The following GALNT16 variants were observed in gnomAD, a reference collection of about 807,000 sequenced individuals.
GALNT16 encodes polypeptide N-acetylgalactosaminyltransferase 16, also known as UDP-GalNAc:polypeptide N-acetylgalactosaminyltransferase-like protein 1.
GALNT16 carries 40 observed loss-of-function variants against 76.1 expected under a neutral mutation model. The observed-to-expected ratio is 0.53, with a 90% CI of 0.41 to 0.68. The LOEUF is 0.68. Among genes scored for constraint, GALNT16 ranks in the 30% least tolerant of loss-of-function variants. The pLI, the probability that GALNT16 is intolerant of heterozygous loss-of-function variation, is 0.00. For missense variants in GALNT16, 621 were observed against 731.9 expected, an observed-to-expected ratio of 0.85 and a Z score of 1.75; for synonymous variants, 276 against 285.2, an observed-to-expected ratio of 0.97 and a Z score of 0.32.
chr14:69,312,059 G>GTCTA (rs3045602), intron 1 of GALNT16, among the ~76,000 whole-genome samples: 15,022 of 93,922 alleles, frequency 0.16, 954 homozygotes, highest in African/African-American at 0.18. Context: ...AAAAAAATCT[G>GTCTA]TCTATCTATC....
At chr14:69,264,771 TTTTCTTTTC>T (rs1377268401) in intron 1 of GALNT16, among the ~76,000 whole-genome samples, 3 of 151,584 alleles carry the variant, frequency 2.0e-5, no homozygotes, top group Non-Finnish European at 1.5e-5. Context: ...GTTCAGATTT[TTTTCTTTTC>T]TTTCTTTTCT....
At position 69,353,858 on chromosome 14, in the gene GALNT16, C is replaced by T. The variant is rs1237601671; in HGVS notation, c.*1690C>T. 2.0e-5 allele frequency: 3 copies of T among 152,524 alleles called. No individual in the cohort carries two copies. Among genetic ancestry groups the T allele is most frequent in the Non-Finnish European group, 4.4e-5 (3 of 68,292 alleles). The allele number at this position is 152,524 out of a possible 1,614,324, so 9.4% of individuals were successfully genotyped here. A position where few individuals can be genotyped will look rare whatever the true frequency, so the allele number is the denominator to read the frequency against. On this transcript the variant is annotated 3_prime_UTR_variant, in exon 15 of 15. Coordinates refer to ENST00000448469, the MANE Select transcript of GALNT16 (RefSeq NM_001168368.2). ...CTCCCTGGCGTGCTCAAACTGCCAT[C>T]GCCTGCTCCCTCCACACGGCCCTTG... is the stretch of plus-strand genomic sequence containing the variant.
At chr14:69,344,775 C>T (rs1231913115) in intron 12 of GALNT16, among the ~76,000 whole-genome samples, 1 of 152,206 alleles carries the variant, frequency 6.6e-6, no homozygotes, top group Non-Finnish European at 1.5e-5. Flanking sequence ...TCTGGAACAA[C>T]CCCTGGCCCT....
the GALNT16 span, among the ~76,000 whole-genome samples, chr14:69,365,247 G>A: frequency 6.6e-6 from 1 of 152,122 alleles, no homozygotes; most frequent in Admixed American, 6.6e-5. Flanking sequence ...ATAATTTGGA[G>A]GCTTTAGTGA....
At chr14:69,297,666 ACT>A (rs2044787308) in intron 1 of GALNT16, among the ~76,000 whole-genome samples, 2 of 151,830 alleles carry the variant, frequency 1.3e-5, no homozygotes, top group South Asian at 2.1e-4. Flanking sequence ...AAAACATAAC[ACT>A]GTCACTTAGA....
chr14:69,321,478 G>A (rs538541416), intron 2 of GALNT16, among the ~76,000 whole-genome samples: 30 of 152,234 alleles, frequency 2.0e-4, no homozygotes, highest in African/African-American at 6.5e-4. Context: ...TGTCTAGAGG[G>A]TGAAAGTCAC....
chr14:69,347,833 T>C, intron 13 of GALNT16, 44 bp from the exon 14 acceptor site: 1 of 1,606,140 alleles, frequency 6.2e-7, no homozygotes, highest in Non-Finnish European at 8.5e-7. Flanking sequence ...TCTCCACCCA[T>C]CGCTGTACTT....
At chr14:69,329,513 G>A (rs1451679619) in intron 6 of GALNT16, among the ~76,000 whole-genome samples, 1 of 152,184 alleles carries the variant, frequency 6.6e-6, no homozygotes, top group Admixed American at 6.5e-5. Context: ...TACCAGGATG[G>A]CTAGAATCCA....
the GALNT16 span, among the ~76,000 whole-genome samples, chr14:69,377,338 A>G: frequency 6.6e-6 from 1 of 152,128 alleles, no homozygotes; most frequent in East Asian, 1.9e-4. Context: ...TGAATCACTT[A>G]GGCAATCTAA....
chr14:69,347,299 T>A, intron 13 of GALNT16, 118 bp downstream of exon 13: 1 of 1,073,902 alleles, frequency 9.3e-7, no homozygotes, highest in Non-Finnish European at 1.3e-6. Context: ...ACAAACCCAC[T>A]TTGCCAGGGG....
At chr14:69,369,326 A>C in the GALNT16 span, among the ~76,000 whole-genome samples, 1 of 152,248 alleles carries the variant, frequency 6.6e-6, no homozygotes, top group South Asian at 2.1e-4. Context: ...GGAAATGAAT[A>C]ATTAAATAAA....
intron 1 of GALNT16, among the ~76,000 whole-genome samples, chr14:69,315,332 G>A (rs937899215): frequency 3.9e-5 from 6 of 152,186 alleles, no homozygotes; most frequent in African/African-American, 1.4e-4. Context: ...CGGAAGTGCT[G>A]GATTTGGCAC....
At chr14:69,383,554 T>C in the GALNT16 span, among the ~76,000 whole-genome samples, 48 of 152,316 alleles carry the variant, frequency 3.2e-4, no homozygotes, top group African/African-American at 1.1e-3. Flanking sequence ...CTGGGGAAAA[T>C]AGTTTTAAAT....
chr14:69,330,450 G>A (rs1388329489), intron 6 of GALNT16, among the ~76,000 whole-genome samples: 3 of 152,194 alleles, frequency 2.0e-5, no homozygotes, highest in Non-Finnish European at 4.4e-5. Flanking sequence ...GGTGATGGTT[G>A]TACAATCTTG....
intron 2 of GALNT16, among the ~76,000 whole-genome samples, chr14:69,323,847 C>T (rs1012441347): frequency 3.3e-5 from 5 of 152,280 alleles, no homozygotes; most frequent in African/African-American, 9.6e-5. Flanking sequence ...AATGAAAAAA[C>T]GGGCACTGGT....
chr14:69,338,893 G>T (rs1473110796), intron 10 of GALNT16, 116 bp downstream of exon 10: 1 of 802,630 alleles, frequency 1.2e-6, no homozygotes, highest in African/African-American at 1.7e-5. Context: ...TTGGGCCTCA[G>T]TTTCCCCATT....
chr14:69,290,579 C>G (rs1181482773), intron 1 of GALNT16, among the ~76,000 whole-genome samples: 2 of 152,180 alleles, frequency 1.3e-5, no homozygotes, highest in African/African-American at 4.8e-5. Context: ...AATAGTAAGG[C>G]TCTCATTGAC....
At chr14:69,350,566 G>T in intron 14 of GALNT16, 1 of 152,492 alleles carries the variant, frequency 6.6e-6, no homozygotes, top group Non-Finnish European at 1.5e-5. Flanking sequence ...GAGAGGCTGG[G>T]TCTCAGCCCT....
intron 10 of GALNT16, among the ~76,000 whole-genome samples, chr14:69,339,165 G>A (rs2045452522): frequency 6.6e-6 from 1 of 152,168 alleles, no homozygotes. Context: ...TCTCAAGGGA[G>A]AGTGGGTAAT....
Sources: allele counts gnomAD v4.1 joint callset (sites outside exome capture counted in the v4.1 genomes callset), GRCh38; gene constraint gnomAD v4.1.1; transcripts MANE v1.5; gene names NCBI Gene and HGNC (gene_info 2026-07-23, HGNC 2026-07-21).